The following CBLB variants were observed in gnomAD, a reference collection of about 807,000 sequenced individuals.
CBLB encodes Cbl proto-oncogene B.
CBLB carries 31 observed loss-of-function variants against 104.9 expected under a neutral mutation model. The observed-to-expected ratio is 0.30, with a 90% CI of 0.22 to 0.40. The LOEUF (loss-of-function observed/expected upper bound fraction) is 0.40. Among genes scored for constraint, CBLB ranks in the 10% least tolerant of loss-of-function variants. The probability of loss-of-function intolerance (pLI) is 1.00; values close to 1 mark genes in which losing one functional copy is unlikely to be tolerated. For missense variants in CBLB, 1,062 were observed against 1,214.6 expected (o/e 0.87, Z 1.87); for synonymous variants, 440 against 422.6 (o/e 1.04, Z -0.51).
At chr3:105,665,400 AATAAATAAATAAATAAATAT>A (rs2064273866) in intron 18 of CBLB, among the ~76,000 whole-genome samples, 2 of 96,342 alleles carry the variant, frequency 2.1e-5, no homozygotes, top group African/African-American at 8.1e-5. Flanking sequence ...AAAATAAATA[AATAAATAAATAAATAAATAT>A]ATATATATAT....
At chr3:105,659,733 C>T (rs1286862755) in intron 18 of CBLB, among the ~76,000 whole-genome samples, 1 of 152,016 alleles carries the variant, frequency 6.6e-6, no homozygotes, top group Admixed American at 6.6e-5. Context: ...CATGTCACAG[C>T]AGAACTGCTC....
chr3:105,834,819 T>C (rs2088189147), intron 3 of CBLB, among the ~76,000 whole-genome samples: 1 of 152,000 alleles, frequency 6.6e-6, no homozygotes. Flanking sequence ...ATAGGGAAGA[T>C]GTGCCCTGCT....
At chr3:105,721,592 G>T (rs902057670) in intron 9 of CBLB, among the ~76,000 whole-genome samples, 1 of 152,122 alleles carries the variant, frequency 6.6e-6, no homozygotes, top group Non-Finnish European at 1.5e-5. Flanking sequence ...TGGTAAAACA[G>T]TTGAACTAAG....
At chr3:105,868,269 G>T in intron 1 of CBLB, 2 of 1,222,422 alleles carry the variant, frequency 1.6e-6, no homozygotes, top group Non-Finnish European at 2.0e-6. Flanking sequence ...AATGACAAGA[G>T]CGGCCACGGA....
intron 9 of CBLB, among the ~76,000 whole-genome samples, chr3:105,728,664 C>T (rs1576661886): frequency 6.6e-6 from 1 of 152,192 alleles, no homozygotes; most frequent in African/African-American, 2.4e-5. Flanking sequence ...AAGGGTAGCA[C>T]AAAAATGTTG....
rs185570679 is a variant in CBLB at position 105,777,274 on chromosome 3, T to C, written c.420-732A>G. ...ATTTTCTGAGGAAGGGTTCTAGATATATGCATATTTTAGAAGCTCTGTGGG... is the reference window on the plus strand; with the variant it reads ...ATTTTCTGAGGAAGGGTTCTAGATACATGCATATTTTAGAAGCTCTGTGGG... On this transcript the variant is annotated intron_variant, in intron 3 of 18. Transcript: ENST00000394030. Among the ~76,000 whole-genome samples the C allele has an allele frequency of 2.0e-5, 3 of 152,352 alleles. No homozygotes were observed. The East Asian group carries it at 5.8e-4, about 29-fold the overall frequency.
chr3:105,743,041 C>A (rs1024657425), intron 6 of CBLB, among the ~76,000 whole-genome samples: 2 of 152,174 alleles, frequency 1.3e-5, no homozygotes, highest in Non-Finnish European at 2.9e-5. Context: ...TCCTCTCATG[C>A]ACCTTTTTCC....
chr3:105,684,529 G>C (rs950920332), intron 14 of CBLB, among the ~76,000 whole-genome samples: 1 of 148,696 alleles, frequency 6.7e-6, no homozygotes, highest in African/African-American at 2.5e-5. Context: ...ACAAAAGTAA[G>C]GAAAAAACCC....
chr3:105,832,847 C>T (rs768999549), intron 3 of CBLB, among the ~76,000 whole-genome samples: 10 of 152,016 alleles, frequency 6.6e-5, no homozygotes, highest in Admixed American at 6.6e-4. Flanking sequence ...GTGAAGAAAA[C>T]GAAGAAACAG....
chr3:105,816,734 T>A (rs1186020461), intron 3 of CBLB, among the ~76,000 whole-genome samples: 2 of 152,204 alleles, frequency 1.3e-5, no homozygotes, highest in Non-Finnish European at 2.9e-5. Context: ...AGTTGAAGTA[T>A]CACCTATTTA....
intron 3 of CBLB, among the ~76,000 whole-genome samples, chr3:105,848,325 T>C (rs1040525393): frequency 6.6e-5 from 10 of 152,098 alleles, no homozygotes; most frequent in African/African-American, 1.7e-4. Context: ...CAAAAGACTT[T>C]CACTGTGCCC....
intron 3 of CBLB, among the ~76,000 whole-genome samples, chr3:105,785,714 C>G (rs1413689423): frequency 6.6e-6 from 1 of 152,178 alleles, no homozygotes; most frequent in Admixed American, 6.5e-5. Context: ...AGTCATCTCT[C>G]TGGTGCTTAT....
intron 3 of CBLB, among the ~76,000 whole-genome samples, chr3:105,796,488 G>A (rs1405944505): frequency 6.6e-6 from 1 of 152,100 alleles, no homozygotes; most frequent in African/African-American, 2.4e-5. Context: ...CTACAAAAGT[G>A]TGGATGATAA....
chr3:105,713,671 TAAAGA>T (rs2071426981), intron 10 of CBLB, among the ~76,000 whole-genome samples: 1 of 152,206 alleles, frequency 6.6e-6, no homozygotes, highest in South Asian at 2.1e-4. Context: ...CACATGCTAA[TAAAGA>T]AAATACCACT....
chr3:105,854,687 T>C (rs532604910), intron 2 of CBLB, among the ~76,000 whole-genome samples: 15 of 151,944 alleles, frequency 9.9e-5, no homozygotes, highest in African/African-American at 3.6e-4. Flanking sequence ...GGCTGGAGTG[T>C]AGTGACACGA....
intron 10 of CBLB, among the ~76,000 whole-genome samples, chr3:105,719,222 C>T (rs911466215): frequency 6.6e-6 from 1 of 152,204 alleles, no homozygotes; most frequent in Non-Finnish European, 1.5e-5. Context: ...TTCAGTTTCA[C>T]CATTTCCAAA....
chr3:105,691,023 G>A (rs773938811), intron 13 of CBLB, among the ~76,000 whole-genome samples: 1 of 151,992 alleles, frequency 6.6e-6, no homozygotes, highest in East Asian at 1.9e-4. Flanking sequence ...TCTAAATAAG[G>A]TAAAAACAAG....
intron 13 of CBLB, among the ~76,000 whole-genome samples, chr3:105,689,621 G>T (rs2067422829): frequency 1.3e-5 from 2 of 150,232 alleles, no homozygotes; most frequent in South Asian, 4.2e-4. Context: ...TCTATTGTGT[G>T]CCAAGTAAAA....
chr3:105,803,487 A>T (rs1046456255), intron 3 of CBLB, among the ~76,000 whole-genome samples: 3 of 152,190 alleles, frequency 2.0e-5, no homozygotes, highest in Non-Finnish European at 2.9e-5. Flanking sequence ...TCATGATTCA[A>T]AAGTCAGTAA....
Sources: allele counts gnomAD v4.1 joint callset (sites outside exome capture counted in the v4.1 genomes callset), GRCh38; gene constraint gnomAD v4.1.1; transcripts MANE v1.5; gene names NCBI Gene and HGNC (gene_info 2026-07-23, HGNC 2026-07-21).